Variants in HHAT observed in about 807,000 individuals in gnomAD.
HHAT encodes the protein protein-cysteine N-palmitoyltransferase HHAT.
Under a neutral mutation model 70.8 loss-of-function variants are expected in HHAT, and 47 were observed. That is an observed-to-expected ratio of 0.66 (90% CI 0.53 to 0.85). HHAT has a LOEUF of 0.85. Among genes scored for constraint, HHAT ranks in the 40% least tolerant of loss-of-function variants. HHAT has a pLI of 0.00. For synonymous variants in HHAT, 228 were observed against 247.6 expected, an observed-to-expected ratio of 0.92 and a Z score of 0.74; for missense variants, 609 against 604.8, an observed-to-expected ratio of 1.01 and a Z score of -0.07.
At chr1:210,479,491 C>G (rs988320279) in intron 8 of HHAT, among the ~76,000 whole-genome samples, 7 of 152,114 alleles carry the variant, frequency 4.6e-5, no homozygotes, top group African/African-American at 1.7e-4. Flanking sequence ...TCGGAGAAGG[C>G]CTTGTTTTTG....
intron 1 of HHAT, among the ~76,000 whole-genome samples, chr1:210,330,195 TG>T (rs2084867239): frequency 6.6e-6 from 1 of 152,214 alleles, no homozygotes; most frequent in Admixed American, 6.5e-5. Context: ...CCATTCCTCA[TG>T]TTCCATTTTC....
intron 1 of HHAT, among the ~76,000 whole-genome samples, chr1:210,330,518 C>G (rs761524587): frequency 6.6e-6 from 1 of 152,144 alleles, no homozygotes; most frequent in Non-Finnish European, 1.5e-5. Flanking sequence ...TACTTTGCCC[C>G]CTCCTTGGAA....
chr1:210,339,369 G>A (rs531403870), intron 1 of HHAT, among the ~76,000 whole-genome samples: 1 of 152,148 alleles, frequency 6.6e-6, no homozygotes, highest in African/African-American at 2.4e-5. Flanking sequence ...TGCTAGATGT[G>A]TGCCCACCCC....
intron 7 of HHAT, among the ~76,000 whole-genome samples, chr1:210,444,743 G>T (rs2093600121): frequency 6.6e-6 from 1 of 152,172 alleles, no homozygotes; most frequent in Non-Finnish European, 1.5e-5. Context: ...CAAACTCCTG[G>T]ATTTGAGCAA....
intron 8 of HHAT, among the ~76,000 whole-genome samples, chr1:210,509,921 T>C (rs1312582329): frequency 2.0e-5 from 3 of 152,168 alleles, no homozygotes; most frequent in Admixed American, 2.0e-4. Flanking sequence ...TAGAATTAGT[T>C]CTCAGATACA....
At chr1:210,662,989 C>T (rs1251240728) in intron 11 of HHAT, among the ~76,000 whole-genome samples, 1 of 152,094 alleles carries the variant, frequency 6.6e-6, no homozygotes. Flanking sequence ...GAGGGTGGTC[C>T]CAGCTGCCCC....
chr1:210,653,110 T>G (rs1675521553), intron 11 of HHAT, among the ~76,000 whole-genome samples: 1 of 151,038 alleles, frequency 6.6e-6, no homozygotes, highest in Admixed American at 6.6e-5. Flanking sequence ...ACTAAGCCAT[T>G]AGAAAGATCA....
intron 8 of HHAT, among the ~76,000 whole-genome samples, chr1:210,487,225 A>C (rs770097004): frequency 2.0e-5 from 3 of 152,186 alleles, no homozygotes; most frequent in Non-Finnish European, 2.9e-5. Context: ...TCAGGAGCAA[A>C]GGTGAGGACA....
At chr1:210,552,451 T>A (rs1263479832) in intron 9 of HHAT, among the ~76,000 whole-genome samples, 1 of 152,166 alleles carries the variant, frequency 6.6e-6, no homozygotes, top group Admixed American at 6.5e-5. Flanking sequence ...GAGATGGAAA[T>A]TTGTGAACAG....
chr1:210,629,919 T>C (rs1384898268), intron 11 of HHAT, among the ~76,000 whole-genome samples: 1 of 151,640 alleles, frequency 6.6e-6, no homozygotes, highest in African/African-American at 2.4e-5. Flanking sequence ...CTCAGCTCAC[T>C]GCAACCTCCG....
At chr1:210,459,286 C>G (rs1480922451) in intron 7 of HHAT, among the ~76,000 whole-genome samples, 1 of 152,180 alleles carries the variant, frequency 6.6e-6, no homozygotes, top group Non-Finnish European at 1.5e-5. Flanking sequence ...TCAGAGCTGA[C>G]TGTATACACT....
intron 11 of HHAT, among the ~76,000 whole-genome samples, chr1:210,662,003 TAATA>T (rs2148962159): frequency 6.6e-6 from 1 of 152,328 alleles, no homozygotes; most frequent in Admixed American, 6.5e-5. Context: ...TTTAAAAAAT[TAATA>T]AAATAAAATC....
intron 11 of HHAT, among the ~76,000 whole-genome samples, chr1:210,632,165 G>A (rs998682718): frequency 6.6e-6 from 1 of 152,168 alleles, no homozygotes; most frequent in Non-Finnish European, 1.5e-5. Flanking sequence ...AGTGTGTTAC[G>A]GTTGAATTGT....
chr1:210,399,382 G>A (rs568807590), intron 4 of HHAT, among the ~76,000 whole-genome samples: 9 of 152,102 alleles, frequency 5.9e-5, no homozygotes, highest in African/African-American at 1.7e-4. Context: ...TCAGCCTCCC[G>A]GGTAGTTGGG....
rs527477406 is a variant in HHAT at position 210,430,498 on chromosome 1, A to G, written c.856+12173A>G. On this transcript the variant is annotated intron_variant, in intron 7 of 11. Transcript: ENST00000261458. Reference sequence around the variant, plus strand: ...TTTTAAATTCAGATTTAACATTACTATGTTTTTTCTTAGCAACTTTGATTT... The same window carrying G: ...TTTTAAATTCAGATTTAACATTACTGTGTTTTTTCTTAGCAACTTTGATTT... Among the ~76,000 whole-genome samples, 20 of 151,980 alleles carry G rather than the reference A, an allele frequency of 1.3e-4. 2 individuals are homozygous for G. The highest frequency in any genetic ancestry group is 1.7e-4 in the African/African-American group (7 of 41,262).
At chr1:210,544,853 A>G (rs1340449051) in intron 9 of HHAT, among the ~76,000 whole-genome samples, 4 of 152,142 alleles carry the variant, frequency 2.6e-5, no homozygotes, top group African/African-American at 7.2e-5. Flanking sequence ...CTTCCATTAC[A>G]TGCACCAGAT....
At chr1:210,428,203 C>G (rs967894134) in intron 7 of HHAT, among the ~76,000 whole-genome samples, 2 of 149,304 alleles carry the variant, frequency 1.3e-5, no homozygotes, top group Non-Finnish European at 3.0e-5. Flanking sequence ...TACTGATAAA[C>G]TCTCAATACT....
At chr1:210,393,553 G>C (rs989806759) in intron 4 of HHAT, among the ~76,000 whole-genome samples, 1 of 149,436 alleles carries the variant, frequency 6.7e-6, no homozygotes, top group Non-Finnish European at 1.5e-5. Context: ...TCTGGTCTCA[G>C]AGCAGGCCTC....
intron 2 of HHAT, among the ~76,000 whole-genome samples, chr1:210,354,074 A>G (rs10489388): frequency 0.29 from 43,577 of 152,052 alleles, 8,432 homozygotes; most frequent in African/African-American, 0.56. Flanking sequence ...TAACGCTTCC[A>G]AAGGAGGAGA....
Sources: gnomAD v4.1 joint callset for allele counts (sites outside exome capture counted in the v4.1 genomes callset) on GRCh38, gnomAD v4.1.1 for gene constraint, MANE v1.5 for transcripts, NCBI Gene and HGNC (gene_info 2026-07-23, HGNC 2026-07-21) for gene names.